Variants in KRABD1 observed in about 807,000 individuals in gnomAD.
The protein encoded by KRABD1 is KRAB domain containing 1.
the KRABD1 span, among the ~76,000 whole-genome samples, chr3:42,941,508 C>T: frequency 1.3e-5 from 2 of 152,128 alleles, no homozygotes; most frequent in Non-Finnish European, 2.9e-5. Context: ...CTTTTTCTAG[C>T]GTAAAAGCTA....
the KRABD1 span, chr3:42,941,222 T>G: frequency 1.9e-6 from 3 of 1,552,054 alleles, no homozygotes; most frequent in South Asian, 2.3e-5. Flanking sequence ...ACTTGTCGTT[T>G]CAGGAATCAG....
the KRABD1 span, chr3:42,941,282 C>G: frequency 2.5e-6 from 4 of 1,594,950 alleles, no homozygotes; most frequent in Non-Finnish European, 2.6e-6. Flanking sequence ...AATGGGCCAT[C>G]ATGGTGCCTG....
the KRABD1 span, chr3:42,942,571 C>A: frequency 1.4e-6 from 2 of 1,416,056 alleles, no homozygotes; most frequent in Non-Finnish European, 1.9e-6. Context: ...ACTTACTTAG[C>A]TAAAGCAGTG....
the KRABD1 span, among the ~76,000 whole-genome samples, chr3:42,940,519 T>C: frequency 6.6e-6 from 1 of 152,214 alleles, no homozygotes; most frequent in Non-Finnish European, 1.5e-5. Context: ...GTTAAGACCA[T>C]TTCCACTAGA....
chr3:42,942,056 A>G, the KRABD1 span: 1 of 1,535,788 alleles, frequency 6.5e-7, no homozygotes, highest in African/African-American at 1.4e-5. Context: ...GAATGACTGG[A>G]GAGCAGGCTG....
At chr3:42,942,092 C>A in the KRABD1 span, 1 of 1,455,040 alleles carries the variant, frequency 6.9e-7, no homozygotes, top group Non-Finnish European at 9.3e-7. Context: ...CAAGAGGGTT[C>A]TTCTCCAGCT....
the KRABD1 span, chr3:42,938,928 C>G: frequency 4.3e-5 from 66 of 1,531,262 alleles, no homozygotes; most frequent in Non-Finnish European, 5.6e-5. Flanking sequence ...CAACCAGGCC[C>G]CAGGTGAGCT....
At chr3:42,942,651 T>C in the KRABD1 span, 1 of 1,202,974 alleles carries the variant, frequency 8.3e-7, no homozygotes, top group Non-Finnish European at 1.1e-6. Flanking sequence ...AGCTTAATTC[T>C]TGACATTTAA....
the KRABD1 span, among the ~76,000 whole-genome samples, chr3:42,940,529 A>C: frequency 6.6e-6 from 1 of 152,154 alleles, no homozygotes; most frequent in Non-Finnish European, 1.5e-5. Flanking sequence ...TTTCCACTAG[A>C]GCTCTATTTC....
At chr3:42,940,809 A>G in the KRABD1 span, among the ~76,000 whole-genome samples, 3 of 152,216 alleles carry the variant, frequency 2.0e-5, no homozygotes, top group Non-Finnish European at 4.4e-5. Context: ...TGGAAAATGG[A>G]GTAATATGAG....
chr3:42,939,001 C>T, the KRABD1 span: 1 of 1,126,030 alleles, frequency 8.9e-7, no homozygotes, highest in South Asian at 1.5e-5. Context: ...TAGATACATA[C>T]ATAAAAATAT....
At chr3:42,937,839 G>A in the KRABD1 span, 1 of 152,322 alleles carries the variant, frequency 6.6e-6, no homozygotes, top group East Asian at 1.9e-4. Context: ...CAGTGCACTG[G>A]CTTTATAGTG....
the KRABD1 span, chr3:42,942,150 C>A: frequency 1.0e-6 from 1 of 989,054 alleles, no homozygotes; most frequent in Non-Finnish European, 1.5e-6. Flanking sequence ...GGTGTGTGTT[C>A]TCTGTGCCCA....
chr3:42,942,059 G>A, the KRABD1 span: 9 of 1,535,346 alleles, frequency 5.9e-6, no homozygotes, highest in Non-Finnish European at 7.9e-6. Context: ...TGACTGGAGA[G>A]CAGGCTGGAT....
the KRABD1 span, among the ~76,000 whole-genome samples, chr3:42,940,269 A>G: frequency 6.6e-6 from 1 of 152,168 alleles, no homozygotes; most frequent in African/African-American, 2.4e-5. Flanking sequence ...ACTTTGTCAT[A>G]CATTTGGTGA....
At chr3:42,940,462 C>T in the KRABD1 span, among the ~76,000 whole-genome samples, 4 of 152,176 alleles carry the variant, frequency 2.6e-5, no homozygotes, top group Non-Finnish European at 5.9e-5. Context: ...ATTGATAAAA[C>T]ATTCTTTGGC....
chr3:42,938,152 A>C, the KRABD1 span: 1 of 152,240 alleles, frequency 6.6e-6, no homozygotes, highest in East Asian at 1.9e-4. Context: ...GTTTCCTTAT[A>C]CTATAACATT....
chr3:42,941,113 G>C, the KRABD1 span: 9 of 942,274 alleles, frequency 9.6e-6, no homozygotes, highest in Non-Finnish European at 1.0e-5. Flanking sequence ...GCACGTGAAG[G>C]ACCCAATACT....
chr3:42,942,551 A>G, the KRABD1 span: 2 of 1,300,290 alleles, frequency 1.5e-6, no homozygotes, highest in South Asian at 1.9e-5. Context: ...ACTTGGAACT[A>G]AGAAGATATA....
Sources: allele counts gnomAD v4.1 joint callset (sites outside exome capture counted in the v4.1 genomes callset), GRCh38; gene constraint gnomAD v4.1.1; transcripts MANE v1.5; gene names NCBI Gene and HGNC (gene_info 2026-07-23, HGNC 2026-07-21).